The following LRFN2 variants were observed in gnomAD, a reference collection of about 807,000 sequenced individuals.
The protein encoded by LRFN2 is leucine-rich repeat and fibronectin type-III domain-containing protein 2.
A neutral mutation model predicts 37.3 loss-of-function variants in LRFN2; 18 were observed. The ratio of observed to expected loss-of-function variants is 0.48; its 90% CI spans 0.33 to 0.72. The LOEUF (loss-of-function observed/expected upper bound fraction) is 0.72, where lower values mean the gene tolerates loss of function less well. Ranked by LOEUF, LRFN2 falls within the 30% of genes least tolerant of loss-of-function variation. LRFN2 has a pLI of 0.02. For missense variants in LRFN2, 1,006 were observed against 1,060.7 expected (o/e 0.95, Z 0.72); for synonymous variants, 556 against 466.6 (o/e 1.19, Z -2.47).
chr6:40,427,050 C>G (rs1763369642), intron 2 of LRFN2, among the ~76,000 whole-genome samples: 1 of 152,196 alleles, frequency 6.6e-6, no homozygotes, highest in Non-Finnish European at 1.5e-5. Context: ...TTCAGATGAG[C>G]CAGATTTTCC....
intron 1 of LRFN2, among the ~76,000 whole-genome samples, chr6:40,575,556 A>T (rs1231223897): frequency 6.6e-6 from 1 of 152,180 alleles, no homozygotes; most frequent in African/African-American, 2.4e-5. Context: ...ATATTGGGGT[A>T]AAGGAACTTG....
chr6:40,490,146 C>T (rs928763903), intron 1 of LRFN2, among the ~76,000 whole-genome samples: 4 of 152,198 alleles, frequency 2.6e-5, no homozygotes, highest in Non-Finnish European at 4.4e-5. Flanking sequence ...AAGCACATCT[C>T]GTCAGGGTTC....
chr6:40,578,989 C>T (rs897712542), intron 1 of LRFN2, among the ~76,000 whole-genome samples: 3 of 152,234 alleles, frequency 2.0e-5, no homozygotes, highest in African/African-American at 4.8e-5. Context: ...TGTGTATCTG[C>T]TTTGTCCTCC....
chr6:40,433,163 G>A (rs773932802), intron 1 of LRFN2, 32 bp from the exon 2 acceptor site: 10 of 1,501,734 alleles, frequency 6.7e-6, no homozygotes, highest in South Asian at 2.7e-5. Flanking sequence ...TCAGGGTCAG[G>A]AGGCAAATTC....
chr6:40,529,059 T>C (rs1270293663), intron 1 of LRFN2, among the ~76,000 whole-genome samples: 1 of 152,194 alleles, frequency 6.6e-6, no homozygotes, highest in Non-Finnish European at 1.5e-5. Context: ...CTATTGCCCT[T>C]TTCTATTTTC....
At chr6:40,470,447 T>C (rs1470350968) in intron 1 of LRFN2, among the ~76,000 whole-genome samples, 3 of 152,038 alleles carry the variant, frequency 2.0e-5, no homozygotes, top group African/African-American at 7.2e-5. Context: ...CCTTCTTAAC[T>C]AAAAATATAA....
chr6:40,485,523 A>C (rs1764934132), intron 1 of LRFN2, among the ~76,000 whole-genome samples: 2 of 152,224 alleles, frequency 1.3e-5, no homozygotes, highest in South Asian at 4.1e-4. Flanking sequence ...CCCTGGACAG[A>C]GATAAATCAG....
chr6:40,540,908 C>A (rs886902879), intron 1 of LRFN2, among the ~76,000 whole-genome samples: 1 of 152,140 alleles, frequency 6.6e-6, no homozygotes, highest in South Asian at 2.1e-4. Flanking sequence ...GGGCCAGAAG[C>A]GGTCTATCAG....
intron 1 of LRFN2, among the ~76,000 whole-genome samples, chr6:40,584,977 T>C (rs1194786917): frequency 1.3e-5 from 2 of 152,020 alleles, no homozygotes; most frequent in Admixed American, 1.3e-4. Context: ...CTCCTCAGCC[T>C]CACCTCCTGG....
At position 40,391,652 on chromosome 6, in the gene LRFN2, G is replaced by T. The variant is rs372497389; in HGVS notation, c.*291C>A. The T allele has an allele frequency of 3.1e-6, 1 of 323,618 alleles. No homozygotes were observed. Among genetic ancestry groups the T allele is most frequent in the Non-Finnish European group, 5.6e-6 (1 of 178,568 alleles). The allele number at this position is 323,618 out of a possible 1,614,324, so 20.0% of individuals were successfully genotyped here. On this transcript the variant is annotated 3_prime_UTR_variant, in exon 3 of 3. Transcript: ENST00000338305. Reference sequence around the variant, plus strand: ...CTAGACCCATAAGCAATCCAAAGCCGCTTGCTTGTAGGCTACATTTGTGAT... The same window carrying T: ...CTAGACCCATAAGCAATCCAAAGCCTCTTGCTTGTAGGCTACATTTGTGAT...
At chr6:40,412,816 T>G (rs967304307) in intron 2 of LRFN2, among the ~76,000 whole-genome samples, 1 of 152,134 alleles carries the variant, frequency 6.6e-6, no homozygotes, top group Admixed American at 6.5e-5. Flanking sequence ...AATTGGTAAC[T>G]GATTTAGTAT....
chr6:40,403,582 G>A (rs1762786667), intron 2 of LRFN2, among the ~76,000 whole-genome samples: 1 of 152,130 alleles, frequency 6.6e-6, no homozygotes. Flanking sequence ...CAATATGATT[G>A]AGGCTCTGAG....
chr6:40,559,103 A>C (rs1026029695), intron 1 of LRFN2, among the ~76,000 whole-genome samples: 1 of 151,614 alleles, frequency 6.6e-6, no homozygotes, highest in African/African-American at 2.4e-5. Flanking sequence ...ATGGTAAGAG[A>C]TGAAGCCTCT....
chr6:40,571,716 C>T (rs896542096), intron 1 of LRFN2, among the ~76,000 whole-genome samples: 3 of 152,240 alleles, frequency 2.0e-5, no homozygotes, highest in Non-Finnish European at 2.9e-5. Context: ...CTGCTGCCGT[C>T]ACCACCAGCA....
At chr6:40,496,596 C>T (rs1395405163) in intron 1 of LRFN2, among the ~76,000 whole-genome samples, 1 of 152,090 alleles carries the variant, frequency 6.6e-6, no homozygotes, top group Non-Finnish European at 1.5e-5. Flanking sequence ...GCCCAGCCCT[C>T]ATCATTTGGC....
At chr6:40,561,663 T>TA (rs1766996514) in intron 1 of LRFN2, among the ~76,000 whole-genome samples, 1 of 152,190 alleles carries the variant, frequency 6.6e-6, no homozygotes, top group South Asian at 2.1e-4. Context: ...GATAGAAACT[T>TA]ACTCAGCATG....
chr6:40,557,980 TG>T (rs538904460), intron 1 of LRFN2, among the ~76,000 whole-genome samples: 85 of 152,332 alleles, frequency 5.6e-4, no homozygotes, highest in African/African-American at 1.9e-3. Context: ...TTCTAAGTTT[TG>T]GGCAAGGATT....
intron 2 of LRFN2, among the ~76,000 whole-genome samples, chr6:40,428,998 G>A (rs1763416665): frequency 6.6e-6 from 1 of 152,060 alleles, no homozygotes; most frequent in Admixed American, 6.6e-5. Flanking sequence ...TACTAGTATT[G>A]ATAATAATAA....
chr6:40,435,078 G>GAC lies in LRFN2; in HGVS notation c.-18-1948_-18-1947insGT, dbSNP rs1309780029. Among the ~76,000 whole-genome samples, 319 of 136,442 alleles carry GAC rather than the reference G, an allele frequency of 2.3e-3. 2 individuals carry two copies. Among genetic ancestry groups the GAC allele is most frequent in the East Asian group, 0.015 (69 of 4,544 alleles). 89.5% of individuals were successfully genotyped at this position (136,442 alleles called of 152,430 possible). A position where few individuals can be genotyped will look rare whatever the true frequency, so the allele number is the denominator to read the frequency against. ...AGAGAGAGAGAGAGAGAGAGAGAGA[G>GAC]AGAGAGAGAGAGACAGAGAGATAAT... is the stretch of plus-strand genomic sequence containing the variant. On this transcript the variant is annotated intron_variant, in intron 1 of 2. Transcript: ENST00000338305.
Sources: gnomAD v4.1 joint callset for allele counts (sites outside exome capture counted in the v4.1 genomes callset) on GRCh38, gnomAD v4.1.1 for gene constraint, MANE v1.5 for transcripts, NCBI Gene and HGNC (gene_info 2026-07-23, HGNC 2026-07-21) for gene names.